Variants in MTUS2 observed in about 807,000 individuals in gnomAD.
MTUS2 encodes the protein microtubule-associated tumor suppressor candidate 2.
Under a neutral mutation model 114.1 loss-of-function variants are expected in MTUS2, and 40 were observed. The ratio of observed to expected loss-of-function variants is 0.35; its 90% CI spans 0.27 to 0.46. The LOEUF is 0.46. Ranked by LOEUF, MTUS2 falls within the 20% of genes least tolerant of loss-of-function variation. The pLI is 1.00. For missense variants in MTUS2, 1,679 were observed against 1,705.4 expected, an observed-to-expected ratio of 0.98 and a Z score of 0.27; for synonymous variants, 688 against 672.0, an observed-to-expected ratio of 1.02 and a Z score of -0.37.
At chr13:28,980,547 C>T (rs1884313825) in intron 2 of MTUS2, among the ~76,000 whole-genome samples, 1 of 152,186 alleles carries the variant, frequency 6.6e-6, no homozygotes, top group South Asian at 2.1e-4. Flanking sequence ...CTTAAGGGTA[C>T]ATCCTAGAGC....
At chr13:29,007,598 A>G (rs896180151) in intron 2 of MTUS2, among the ~76,000 whole-genome samples, 2 of 152,220 alleles carry the variant, frequency 1.3e-5, no homozygotes, top group Admixed American at 6.5e-5. Flanking sequence ...GCCACTCCTG[A>G]GACAGCAAGA....
intron 1 of MTUS2, among the ~76,000 whole-genome samples, chr13:28,828,988 C>T (rs1874469336): frequency 6.6e-6 from 1 of 152,144 alleles, no homozygotes; most frequent in Admixed American, 6.6e-5. Context: ...TCTTGGAACA[C>T]ATCTGAATTA....
chr13:29,268,584 C>T (rs1313437516), intron 5 of MTUS2, among the ~76,000 whole-genome samples: 1 of 152,192 alleles, frequency 6.6e-6, no homozygotes, highest in Non-Finnish European at 1.5e-5. Context: ...TTCTCCCTCA[C>T]CTCCTTCCAG....
chr13:29,359,413 G>A lies in MTUS2; in HGVS notation c.3057G>A (p.Leu1019=), dbSNP rs1202329350. ...AGCTGGGCGTTGCGCAAGGGGAGCTGAAGAGGGCCATCTGCGGCTTTGATG... is the reference window on the plus strand; with the variant it reads ...AGCTGGGCGTTGCGCAAGGGGAGCTAAAGAGGGCCATCTGCGGCTTTGATG... The part of the protein sequence containing the change: ...TRQLGVAQGE[L]KRAICGFDAL... Residue 1019 remains leucine, a synonymous_variant, in exon 8 of 16, where the codon CTG becomes CTA. Coordinates refer to ENST00000612955, the MANE Select transcript of MTUS2 (RefSeq NM_001033602.4). 1 of 1,613,594 alleles carries A rather than the reference G, an allele frequency of 6.2e-7. No individual in the cohort carries two copies. Among genetic ancestry groups the A allele is most frequent in the Middle Eastern group, 1.7e-4 (1 of 5,956 alleles).
intron 5 of MTUS2, among the ~76,000 whole-genome samples, chr13:29,272,219 G>C (rs1571745): frequency 0.21 from 31,277 of 151,974 alleles, 3,665 homozygotes; most frequent in East Asian, 0.34. Flanking sequence ...ATCACCAAGT[G>C]ATAAATGCTG....
At chr13:29,235,652 A>G (rs1896508429) in intron 5 of MTUS2, among the ~76,000 whole-genome samples, 1 of 152,140 alleles carries the variant, frequency 6.6e-6, no homozygotes, top group South Asian at 2.1e-4. Context: ...TCAATCAAGA[A>G]TAAATGTTGA....
chr13:29,167,233 G>A (rs1593549302), intron 5 of MTUS2, among the ~76,000 whole-genome samples: 1 of 152,014 alleles, frequency 6.6e-6, no homozygotes, highest in South Asian at 2.1e-4. Flanking sequence ...AAATTAGCCG[G>A]GTGTGGTTGC....
intron 4 of MTUS2, among the ~76,000 whole-genome samples, chr13:29,052,326 C>G (rs990194891): frequency 6.6e-6 from 1 of 151,794 alleles, no homozygotes; most frequent in African/African-American, 2.4e-5. Flanking sequence ...TCTGAAAATA[C>G]AAAAATTAGC....
At chr13:28,895,208 A>T (rs1322064006) in intron 2 of MTUS2, among the ~76,000 whole-genome samples, 2 of 151,902 alleles carry the variant, frequency 1.3e-5, no homozygotes, top group Non-Finnish European at 2.9e-5. Flanking sequence ...ATACAGTGGG[A>T]CTCCCTTAGA....
At chr13:29,091,094 C>G (rs1889925126) in intron 4 of MTUS2, among the ~76,000 whole-genome samples, 1 of 152,008 alleles carries the variant, frequency 6.6e-6, no homozygotes. Context: ...CCTCATCAGC[C>G]CCAGGGTCTG....
chr13:29,281,643 T>C, intron 5 of MTUS2, 61 bp from the exon 6 acceptor site: 29 of 1,516,246 alleles, frequency 1.9e-5, no homozygotes, highest in Non-Finnish European at 2.5e-5. Flanking sequence ...CAAGTGCAAA[T>C]GGTGAGGGCT....
intron 5 of MTUS2, among the ~76,000 whole-genome samples, chr13:29,238,383 T>G (rs1896614134): frequency 6.6e-6 from 1 of 152,170 alleles, no homozygotes; most frequent in African/African-American, 2.4e-5. Flanking sequence ...GTCTGCAAGC[T>G]GAGGAGCAAG....
At chr13:28,996,815 G>T (rs796213693) in intron 2 of MTUS2, among the ~76,000 whole-genome samples, 2 of 152,018 alleles carry the variant, frequency 1.3e-5, no homozygotes, top group Non-Finnish European at 2.9e-5. Context: ...CTTGCTAGCG[G>T]TCTATCAATT....
At chr13:29,403,452 C>G (rs1181770605) in intron 8 of MTUS2, among the ~76,000 whole-genome samples, 1 of 152,122 alleles carries the variant, frequency 6.6e-6, no homozygotes, top group Non-Finnish European at 1.5e-5. Context: ...CCATGGGTGC[C>G]CAGACATTTG....
At chr13:28,904,587 G>C (rs1310717269) in intron 2 of MTUS2, among the ~76,000 whole-genome samples, 1 of 152,034 alleles carries the variant, frequency 6.6e-6, no homozygotes, top group African/African-American at 2.4e-5. Context: ...TATTTCTGAG[G>C]GCTGTGTTCT....
chr13:29,308,471 A>G (rs543243916), intron 6 of MTUS2, among the ~76,000 whole-genome samples: 4 of 152,354 alleles, frequency 2.6e-5, no homozygotes, highest in Admixed American at 1.3e-4. Flanking sequence ...AATCTAGGCA[A>G]TACCATTCAG....
intron 8 of MTUS2, among the ~76,000 whole-genome samples, chr13:29,375,939 C>A (rs1337293636): frequency 1.3e-5 from 2 of 151,780 alleles, no homozygotes; most frequent in African/African-American, 4.8e-5. Context: ...GACTTCACCA[C>A]TTTATAATCC....
intron 8 of MTUS2, among the ~76,000 whole-genome samples, chr13:29,418,597 A>G (rs576755993): frequency 1.3e-5 from 2 of 152,324 alleles, no homozygotes; most frequent in East Asian, 3.9e-4. Context: ...GACAGTAACC[A>G]TACATATCTT....
intron 1 of MTUS2, among the ~76,000 whole-genome samples, chr13:28,823,435 A>G (rs749961402): frequency 1.1e-4 from 16 of 152,300 alleles, no homozygotes; most frequent in African/African-American, 3.4e-4. Context: ...TCTACTTCCT[A>G]TGTGAATTTG....
Sources: gnomAD v4.1 joint callset for allele counts (sites outside exome capture counted in the v4.1 genomes callset) on GRCh38, gnomAD v4.1.1 for gene constraint, MANE v1.5 for transcripts, NCBI Gene and HGNC (gene_info 2026-07-23, HGNC 2026-07-21) for gene names.